Variants in BTLA observed in about 807,000 individuals in gnomAD.
BTLA encodes the protein B and T lymphocyte associated, also known as B- and T-lymphocyte attenuator.
BTLA carries 11 observed loss-of-function variants against 25.0 expected under a neutral mutation model. That is an observed-to-expected ratio of 0.44 (90% CI 0.28 to 0.73). The LOEUF is 0.73. BTLA is among the 30% of genes least tolerant of loss of function. BTLA has a pLI of 0.15. For synonymous variants in BTLA, 104 were observed against 119.8 expected (o/e 0.87, Z 0.86); for missense variants, 282 against 332.8 (o/e 0.85, Z 1.19).
intron 1 of BTLA, among the ~76,000 whole-genome samples, chr3:112,480,631 T>C (rs1334610862): frequency 6.6e-6 from 1 of 152,192 alleles, no homozygotes; most frequent in Non-Finnish European, 1.5e-5. Flanking sequence ...AATTTATCCT[T>C]TTATCAGGTG....
chr3:112,494,057 C>T (rs767084979), intron 1 of BTLA, among the ~76,000 whole-genome samples: 30 of 152,118 alleles, frequency 2.0e-4, no homozygotes, highest in Admixed American at 9.2e-4. Context: ...TTGCAGTGAG[C>T]GGAGATTGCG....
chr3:112,474,620 G>T lies in BTLA; in HGVS notation c.404-3265C>A, dbSNP rs1437786615. Among the ~76,000 whole-genome samples, 5 of 152,236 alleles carry T rather than the reference G, an allele frequency of 3.3e-5. No homozygotes were observed. In the East Asian group the frequency reaches 9.6e-4, roughly 29 times the overall value. ...AGTGAAAGGAAATGATAAATGAGAG[G>T]CACAGACTTAAATGGCATAAAAATT... is the stretch of plus-strand genomic sequence containing the variant. On this transcript the variant is annotated intron_variant, in intron 2 of 4. Coordinates refer to ENST00000334529, the MANE Select transcript of BTLA (RefSeq NM_181780.4).
chr3:112,477,007 T>C (rs75454914), intron 2 of BTLA, among the ~76,000 whole-genome samples: 1,659 of 152,318 alleles, frequency 0.011, 24 homozygotes, highest in African/African-American at 0.038. Flanking sequence ...TAGCATACAT[T>C]AGTACTTCAT....
chr3:112,469,405 A>G (rs1169540231), intron 4 of BTLA, among the ~76,000 whole-genome samples: 1 of 152,046 alleles, frequency 6.6e-6, no homozygotes, highest in Non-Finnish European at 1.5e-5. Flanking sequence ...TACATAAAAA[A>G]TAAATGAATA....
chr3:112,466,178 G>C lies in BTLA; in HGVS notation c.800C>G (p.Pro267Arg), dbSNP rs9288952. 6.2e-7 allele frequency: 1 copy of C among 1,612,912 alleles called. No homozygotes were observed. Among genetic ancestry groups the C allele is most frequent in the African/African-American group, 1.3e-5 (1 of 74,882 alleles). Reference protein sequence around the residue: ...YASLNHSVIGPNSRLARNVKE... With the variant: ...YASLNHSVIGRNSRLARNVKE... ...TACATTTCTTGCCAGTCTTGAGTTC[G>C]GTCCAATGACAGAATGGTTCAGGGA... Residue 267 changes from proline to arginine, a missense_variant, in exon 5 of 5, where the codon CCG (proline) becomes CGG (arginine). Around this residue, in one of 2 missense-constraint regions of BTLA, gnomAD observed 119 missense variants for 102.3 expected, o/e 1.16. Transcript: ENST00000334529.
At chr3:112,486,325 C>G (rs1233901336) in intron 1 of BTLA, among the ~76,000 whole-genome samples, 1 of 151,972 alleles carries the variant, frequency 6.6e-6, no homozygotes, top group Non-Finnish European at 1.5e-5. Context: ...TTGAGCAACC[C>G]CTTTCTCTAT....
upstream of BTLA, chr3:112,499,540 G>GA (rs540424926): frequency 1.1e-3 from 593 of 535,316 alleles, 5 homozygotes; most frequent in African/African-American, 0.01. Context: ...ATGATTTTGT[G>GA]AAAAAAAGTG....
chr3:112,486,364 G>T (rs984716725), intron 1 of BTLA, among the ~76,000 whole-genome samples: 13 of 152,102 alleles, frequency 8.5e-5, no homozygotes, highest in African/African-American at 3.1e-4. Flanking sequence ...AAATAATCAT[G>T]AGATAAAACA....
intron 4 of BTLA, among the ~76,000 whole-genome samples, chr3:112,469,421 A>G (rs1326180171): frequency 6.6e-6 from 1 of 152,012 alleles, no homozygotes; most frequent in East Asian, 1.9e-4. Flanking sequence ...GAATAGCCTG[A>G]AGCCACATAA....
intron 4 of BTLA, among the ~76,000 whole-genome samples, chr3:112,466,884 T>A (rs2082230916): frequency 6.6e-6 from 1 of 152,140 alleles, no homozygotes; most frequent in Non-Finnish European, 1.5e-5. Context: ...TTGATGTCAG[T>A]TTTGGAAAGA....
Position 112,479,666 on chromosome 3 carries a change from A to G in BTLA, c.192T>C (p.Ala64=), listed in dbSNP as rs2082307209. 6.2e-7 allele frequency: 1 copy of G among 1,614,132 alleles called. No homozygotes were observed. Among genetic ancestry groups the G allele is most frequent in the Non-Finnish European group, 8.5e-7 (1 of 1,179,960 alleles). The change falls in exon 2 of 5, where the codon GCT becomes GCC. Residue 64 remains alanine, a synonymous_variant. Coordinates refer to ENST00000334529, the MANE Select transcript of BTLA (RefSeq NM_181780.4). ...FELECPVKYC[A]NRPHVTWCKL... is the part of the protein sequence containing the mutation. The stretch of plus-strand genomic sequence containing the variant: ...TGCACCAAGTCACATGAGGCCTGTT[A>G]GCACAGTATTTCACAGGGCATTCTA...
rs1257785622 is a variant in BTLA, at chr3:112,495,625, C to T, written c.88+3646G>A. 2.0e-5 allele frequency among the ~76,000 whole-genome samples: 3 copies of T among 152,208 alleles called. No individual in the cohort carries two copies. The South Asian group carries it at 6.2e-4, about 32-fold the overall frequency. On this transcript the variant is annotated intron_variant, in intron 1 of 4. Transcript: ENST00000334529. The stretch of plus-strand genomic sequence containing the variant: ...AAACATTTATTTAATATATGGCAGG[C>T]ATTGTTGTAACAATACATAGGCACT...
At chr3:112,488,985 G>A (rs552744465) in intron 1 of BTLA, among the ~76,000 whole-genome samples, 2 of 152,210 alleles carry the variant, frequency 1.3e-5, no homozygotes, top group South Asian at 4.2e-4. Flanking sequence ...CTTCCTTGAT[G>A]GTGTGTTACC....
intron 1 of BTLA, among the ~76,000 whole-genome samples, chr3:112,487,178 A>G (rs2082353023): frequency 6.6e-6 from 1 of 152,282 alleles, no homozygotes; most frequent in Non-Finnish European, 1.5e-5. Context: ...GTTTACATAT[A>G]TATCATAAAA....
rs116366368 is a variant in BTLA, at chr3:112,472,557, C to T, written c.404-1202G>A. ...ACTAAAAATACAAAAATTAGCTGGGCGTGGTATGCACCTGTAATCCCAGGT... is the reference window on the plus strand; with the variant it reads ...ACTAAAAATACAAAAATTAGCTGGGTGTGGTATGCACCTGTAATCCCAGGT... On this transcript the variant is annotated intron_variant, in intron 2 of 4. Transcript: ENST00000334529. Among the ~76,000 whole-genome samples the T allele has an allele frequency of 7.1e-3, 1,078 of 151,750 alleles. 12 individuals are homozygous for T. The highest frequency in any genetic ancestry group is 0.024 in the African/African-American group (1,008 of 41,396).
At chr3:112,494,951 A>T (rs1288704931) in intron 1 of BTLA, among the ~76,000 whole-genome samples, 1 of 152,192 alleles carries the variant, frequency 6.6e-6, no homozygotes, top group African/African-American at 2.4e-5. Flanking sequence ...GTGAACTCCA[A>T]ATTTTTATTT....
intron 1 of BTLA, among the ~76,000 whole-genome samples, chr3:112,489,046 G>A (rs2082365625): frequency 2.6e-5 from 4 of 152,148 alleles, no homozygotes; most frequent in Admixed American, 2.6e-4. Context: ...CCTTAGAGAG[G>A]TGGGCTAAAA....
rs1483693412 is a variant in BTLA at position 112,464,838 on chromosome 3, C to T, written c.*1270G>A. 1.3e-5 allele frequency: 2 copies of T among 151,474 alleles called. No homozygotes were observed. Among genetic ancestry groups the T allele is most frequent in the African/African-American group, 2.4e-5 (1 of 41,160 alleles). The allele number at this position is 151,474 out of a possible 1,614,324, so 9.4% of individuals were successfully genotyped here. A position where few individuals can be genotyped will look rare whatever the true frequency, so the allele number is the denominator to read the frequency against. On this transcript the variant is annotated 3_prime_UTR_variant, in exon 5 of 5. Transcript: ENST00000334529. ...ACACACACACACACACATCACATTC[C>T]TTTGTGCAGCAGCTCAGCTCACATA... is the stretch of plus-strand genomic sequence containing the variant.
chr3:112,474,362 C>T (rs886104397), intron 2 of BTLA, among the ~76,000 whole-genome samples: 1 of 152,154 alleles, frequency 6.6e-6, no homozygotes, highest in Non-Finnish European at 1.5e-5. Context: ...AGGAATTTTT[C>T]TTTGACCCTC....
Sources: allele counts gnomAD v4.1 joint callset (sites outside exome capture counted in the v4.1 genomes callset), GRCh38; gene constraint gnomAD v4.1.1; regional missense constraint gnomAD v4.1.1; transcripts MANE v1.5; gene names NCBI Gene and HGNC (gene_info 2026-07-23, HGNC 2026-07-21).